The following ATP7B variants were observed in gnomAD, a reference collection of about 807,000 sequenced individuals.
The protein encoded by ATP7B is copper-transporting ATPase 2.
Under a neutral mutation model 118.9 loss-of-function variants are expected in ATP7B, and 113 were observed. That is an observed-to-expected ratio of 0.95 (90% CI 0.82 to 1.11). The LOEUF (loss-of-function observed/expected upper bound fraction) is 1.11, where lower values mean the gene tolerates loss of function less well. Among genes scored for constraint, ATP7B ranks in the 50% most tolerant of loss-of-function variants. ATP7B has a pLI of 0.00. For synonymous variants in ATP7B, 777 were observed against 727.4 expected, an observed-to-expected ratio of 1.07 and a Z score of -1.10; for missense variants, 1,867 against 1,871.4, an observed-to-expected ratio of 1.00 and a Z score of 0.04.
intron 1 of ATP7B, among the ~76,000 whole-genome samples, chr13:51,982,413 G>A (rs1952466432): frequency 6.6e-6 from 1 of 152,146 alleles, no homozygotes; most frequent in African/African-American, 2.4e-5. Context: ...AGTTTTAAGT[G>A]TAGACACAGG....
intron 7 of ATP7B, chr13:51,959,756 C>G (rs917695795): frequency 3.6e-6 from 1 of 274,396 alleles, no homozygotes; most frequent in African/African-American, 2.2e-5. Flanking sequence ...ATAGAACACT[C>G]AAGAGTGGCA....
Position 51,934,771 on chromosome 13 carries a change from C to T in ATP7B, c.4383G>A (p.Glu1461=). 6.2e-7 allele frequency: 1 copy of T among 1,613,910 alleles called. No individual in the cohort carries two copies. The highest frequency in any genetic ancestry group is 8.5e-7 in the Non-Finnish European group (1 of 1,180,042). The change falls in exon 21 of 21, where the codon GAG becomes GAA. Residue 1461 remains glutamate, a synonymous_variant. Transcript: ENST00000242839. ...KWSLLLNGRD[E]EQYI Reference sequence around the variant, plus strand: ...CCTGAAGTCATCAGATGTACTGCTCCTCATCCCTGCCATTCAGGAGCAGAG... The same window carrying T: ...CCTGAAGTCATCAGATGTACTGCTCTTCATCCCTGCCATTCAGGAGCAGAG...
chr13:51,967,283 C>A, intron 4 of ATP7B: 2 of 722,012 alleles, frequency 2.8e-6, no homozygotes, highest in Non-Finnish European at 4.7e-6. Flanking sequence ...AAACATTTTA[C>A]ATGCAGTTAT....
chr13:51,967,733 A>G (rs1951635201), intron 4 of ATP7B, among the ~76,000 whole-genome samples: 1 of 152,248 alleles, frequency 6.6e-6, no homozygotes, highest in African/African-American at 2.4e-5. Context: ...TGGCCTGGGT[A>G]AAGCAGCATC....
chr13:51,978,617 T>A (rs1464964499), intron 1 of ATP7B, among the ~76,000 whole-genome samples: 1 of 149,500 alleles, frequency 6.7e-6, no homozygotes, highest in Non-Finnish European at 1.5e-5. Context: ...AAGAGGCTAG[T>A]TAATTACTGT....
At chr13:52,001,947 T>G (rs569063631) in intron 1 of ATP7B, among the ~76,000 whole-genome samples, 56 of 152,224 alleles carry the variant, frequency 3.7e-4, no homozygotes, top group Non-Finnish European at 7.1e-4. Flanking sequence ...CGTGCCACGA[T>G]GCCCAGCTTG....
chr13:51,974,754 A>ATG lies in ATP7B; in HGVS notation c.465_466insCA (p.Ser156HisfsTer17). 1 of 1,614,130 alleles carries ATG rather than the reference A, an allele frequency of 6.2e-7. No individual in the cohort carries two copies. The highest frequency in any genetic ancestry group is 8.5e-7 in the Non-Finnish European group (1 of 1,180,010). On this transcript the variant is annotated frameshift_variant, in exon 2 of 21. Coordinates refer to ENST00000242839, the MANE Select transcript of ATP7B (RefSeq NM_000053.4). LOFTEE classifies it high-confidence loss of function. ...TTGCCTTCAATGGAGCTGACACAGGACTGGCAGGTCATGCCCTCCACCCGG... is the reference window on the plus strand; with the variant it reads ...TTGCCTTCAATGGAGCTGACACAGGATGCTGGCAGGTCATGCCCTCCACCCGG...
chr13:51,964,138 C>CAA (rs1424790357), intron 5 of ATP7B, among the ~76,000 whole-genome samples: 4 of 151,618 alleles, frequency 2.6e-5, no homozygotes, highest in African/African-American at 7.3e-5. Context: ...CACACACACA[C>CAA]AATGAAGAGG....
chr13:51,994,380 C>A (rs1195425514), intron 1 of ATP7B, among the ~76,000 whole-genome samples: 1 of 152,220 alleles, frequency 6.6e-6, no homozygotes, highest in South Asian at 2.1e-4. Flanking sequence ...CCCAAACGGG[C>A]AGCCACTGAA....
At chr13:51,975,910 T>C (rs1952094794) in intron 1 of ATP7B, among the ~76,000 whole-genome samples, 1 of 152,236 alleles carries the variant, frequency 6.6e-6, no homozygotes, top group Admixed American at 6.5e-5. Context: ...AATTTCATAG[T>C]TCTGCCTGTG....
intron 4 of ATP7B, 122 bp from the exon 5 acceptor site, chr13:51,965,155 G>A: frequency 8.2e-7 from 1 of 1,224,100 alleles, no homozygotes; most frequent in Non-Finnish European, 1.2e-6. Context: ...CTGCTCTCAA[G>A]ACCCTGGACT....
chr13:51,966,397 C>T (rs536318792), intron 4 of ATP7B, among the ~76,000 whole-genome samples: 2 of 152,258 alleles, frequency 1.3e-5, no homozygotes, highest in African/African-American at 2.4e-5. Context: ...ATCCCTGCAG[C>T]GACAGGGCCA....
chr13:51,936,023 C>T (rs1170811209), intron 19 of ATP7B, among the ~76,000 whole-genome samples: 1 of 152,228 alleles, frequency 6.6e-6, no homozygotes, highest in Non-Finnish European at 1.5e-5. Context: ...AGGAGAAAAG[C>T]GGCAGGAGCT....
chr13:52,009,625 T>C (rs1953931775), intron 1 of ATP7B, among the ~76,000 whole-genome samples: 1 of 152,220 alleles, frequency 6.6e-6, no homozygotes, highest in African/African-American at 2.4e-5. Flanking sequence ...CCTTCTCTCC[T>C]ATTAATCTGC....
chr13:52,001,953 G>A (rs540725157), intron 1 of ATP7B, among the ~76,000 whole-genome samples: 1 of 152,154 alleles, frequency 6.6e-6, no homozygotes, highest in East Asian at 1.9e-4. Flanking sequence ...ACGATGCCCA[G>A]CTTGCTTATT....
intron 1 of ATP7B, among the ~76,000 whole-genome samples, chr13:51,995,879 C>T (rs1212105325): frequency 1.3e-5 from 2 of 152,208 alleles, no homozygotes; most frequent in African/African-American, 4.8e-5. Context: ...TCACCCAGTG[C>T]ACACTGGACA....
intron 9 of ATP7B, among the ~76,000 whole-genome samples, chr13:51,951,622 G>C (rs191094428): frequency 6.6e-6 from 1 of 152,132 alleles, no homozygotes; most frequent in African/African-American, 2.4e-5. Context: ...TCATCCCTGA[G>C]ACACTCCACT....
chr13:52,005,695 C>T (rs1475817323), intron 1 of ATP7B, among the ~76,000 whole-genome samples: 1 of 152,178 alleles, frequency 6.6e-6, no homozygotes, highest in Non-Finnish European at 1.5e-5. Flanking sequence ...CCAGCATGTA[C>T]CTCCAAACTC....
In ATP7B at chr13:51,974,047, C is replaced by T. The variant is rs200431213; in HGVS notation, c.1173G>A (p.Ser391=). 9.9e-6 allele frequency: 16 copies of T among 1,614,084 alleles called. No individual in the cohort carries two copies. Among genetic ancestry groups the T allele is most frequent in the South Asian group, 4.4e-5 (4 of 91,088 alleles). Reference sequence around the variant, plus strand: ...TTGCAGTCCCTTCGGCCAAAGACACCGATATTTGCTGCACCCCTTCCAGTT... The same window carrying T: ...TTGCAGTCCCTTCGGCCAAAGACACTGATATTTGCTGCACCCCTTCCAGTT... The part of the protein sequence containing the change: ...ISQLEGVQQI[S]VSLAEGTATV... The change falls in exon 2 of 21, where the codon TCG becomes TCA. Residue 391 remains serine, a synonymous_variant. Transcript: ENST00000242839.
Sources: allele counts gnomAD v4.1 joint callset (sites outside exome capture counted in the v4.1 genomes callset), GRCh38; gene constraint gnomAD v4.1.1; transcripts MANE v1.5; gene names NCBI Gene and HGNC (gene_info 2026-07-23, HGNC 2026-07-21).